DOCK5: variants seen among roughly 807,000 people sequenced by gnomAD.
The protein encoded by DOCK5 is dedicator of cytokinesis 5, also known as dedicator of cytokinesis protein 5.
Under a neutral mutation model 251.8 loss-of-function variants are expected in DOCK5, and 142 were observed. The ratio of observed to expected loss-of-function variants is 0.56; its 90% CI spans 0.49 to 0.65. DOCK5 has a LOEUF of 0.65. Among genes scored for constraint, DOCK5 ranks in the 30% least tolerant of loss-of-function variants. The pLI is 0.00. For missense variants in DOCK5, 2,111 were observed against 2,312.3 expected (o/e 0.91, Z 1.79); for synonymous variants, 842 against 835.5 (o/e 1.01, Z -0.13).
chr8:25,403,517 G>C, intron 47 of DOCK5, 41 bp from the exon 48 acceptor site: 1 of 1,605,030 alleles, frequency 6.2e-7, no homozygotes, highest in East Asian at 2.2e-5. Flanking sequence ...ATAGGGGCTG[G>C]ATTCCAGGTC....
chr8:25,380,119 A>G lies in DOCK5; in HGVS notation c.3937-186A>G, dbSNP rs370263514. Among the ~76,000 whole-genome samples, 107 of 152,314 alleles carry G rather than the reference A, an allele frequency of 7.0e-4. 1 individual carries two copies. Among genetic ancestry groups the G allele is most frequent in the African/African-American group, 2.5e-3 (102 of 41,566 alleles). On this transcript the variant is annotated intron_variant, in intron 38 of 51. Coordinates refer to ENST00000276440, the MANE Select transcript of DOCK5 (RefSeq NM_024940.8). ...GCCCCTGGCAAAGCTGCCAATATACACTGTCTTTATGATGTCAGGAAATGA... is the reference window on the plus strand; with the variant it reads ...GCCCCTGGCAAAGCTGCCAATATACGCTGTCTTTATGATGTCAGGAAATGA...
At chr8:25,241,431 T>G (rs1421600808) in intron 1 of DOCK5, among the ~76,000 whole-genome samples, 1 of 150,600 alleles carries the variant, frequency 6.6e-6, no homozygotes, top group Non-Finnish European at 1.5e-5. Context: ...TGAGCCAAGA[T>G]CACTCCACTG....
chr8:25,199,706 T>C lies in DOCK5; in HGVS notation c.43+14755T>C, dbSNP rs185996323. Among the ~76,000 whole-genome samples, 411 of 152,300 alleles carry C rather than the reference T, an allele frequency of 2.7e-3. 2 individuals carry two copies. The highest frequency in any genetic ancestry group is 9.5e-3 in the African/African-American group (395 of 41,576). ...CCAACTTCTGCTCTATTTTCTTTGC[T>C]GGGAGTGGACAGCTTTACTCTGGAG... On this transcript the variant is annotated intron_variant, in intron 1 of 51. Coordinates refer to ENST00000276440, the MANE Select transcript of DOCK5 (RefSeq NM_024940.8).
chr8:25,340,575 C>T (rs13252932), intron 22 of DOCK5, among the ~76,000 whole-genome samples: 13,389 of 152,212 alleles, frequency 0.088, 630 homozygotes, highest in South Asian at 0.2. Context: ...CATGTATCAG[C>T]GAAGACTAAG....
chr8:25,330,549 G>A (rs12542851), intron 18 of DOCK5, among the ~76,000 whole-genome samples: 18,484 of 152,106 alleles, frequency 0.12, 1,354 homozygotes, highest in Admixed American at 0.23. Context: ...CTGCTAAAGG[G>A]TAAAAGAGAA....
rs750493782 is a variant in DOCK5 at position 25,351,758 on chromosome 8, A to G, written c.2782A>G (p.Ile928Val). The G allele has an allele frequency of 2.5e-6, 4 of 1,613,776 alleles. No individual in the cohort carries two copies. Among genetic ancestry groups the G allele is most frequent in the African/African-American group, 1.3e-5 (1 of 74,940 alleles). Residue 928 changes from isoleucine to valine, a missense_variant, in exon 27 of 52, where the codon ATA (isoleucine) becomes GTA (valine). Transcript: ENST00000276440. Reference sequence around the variant, plus strand: ...TGCCACTGCGGTGCACATTCAGCTTATAATGGAACGGCTGCTGAGAAGGAT... The same window carrying G: ...TGCCACTGCGGTGCACATTCAGCTTGTAATGGAACGGCTGCTGAGAAGGAT... ...VGATAVHIQL[I>V]MERLLRRINR...
chr8:25,254,954 G>A (rs1445241108), intron 2 of DOCK5, among the ~76,000 whole-genome samples: 3 of 151,994 alleles, frequency 2.0e-5, no homozygotes, highest in Non-Finnish European at 2.9e-5. Flanking sequence ...TGTGTGAAAA[G>A]ATATTCAGCA....
chr8:25,397,108 G>A (rs1318016750), intron 45 of DOCK5, among the ~76,000 whole-genome samples: 3 of 151,968 alleles, frequency 2.0e-5, no homozygotes, highest in African/African-American at 7.3e-5. Flanking sequence ...TGTAATCTCA[G>A]GTACTGGAGA....
rs116060720 is a variant in DOCK5 at position 25,386,488 on chromosome 8, C to A, written c.4132-2603C>A. On this transcript the variant is annotated intron_variant, in intron 40 of 51. Coordinates refer to ENST00000276440, the MANE Select transcript of DOCK5 (RefSeq NM_024940.8). ...GTAGCATGTGCTATGGTCCTAGCTA[C>A]TCAGTAGGCTGAGGCAGGAGGATTG... 4.1e-3 allele frequency among the ~76,000 whole-genome samples: 622 copies of A among 152,244 alleles called. 4 individuals are homozygous for A. The highest frequency in any genetic ancestry group is 0.015 in the African/African-American group (609 of 41,544).
intron 38 of DOCK5, among the ~76,000 whole-genome samples, chr8:25,378,707 T>C (rs1801008364): frequency 1.3e-5 from 2 of 152,234 alleles, no homozygotes. Context: ...TGGTTATACA[T>C]GCTCGGAGGC....
At chr8:25,278,770 A>G (rs930502394) in intron 5 of DOCK5, 105 bp downstream of exon 5, 1 of 1,004,960 alleles carries the variant, frequency 1.0e-6, no homozygotes. Context: ...ATGGAGTGGG[A>G]TGCATTCTCC....
intron 8 of DOCK5, 64 bp from the exon 9 acceptor site, chr8:25,300,512 G>A (rs1804734168): frequency 2.1e-6 from 3 of 1,436,670 alleles, no homozygotes. Flanking sequence ...TCTATACTGA[G>A]GGTAGCCTCA....
intron 1 of DOCK5, among the ~76,000 whole-genome samples, chr8:25,230,398 C>T (rs754040304): frequency 9.2e-5 from 14 of 152,142 alleles, no homozygotes; most frequent in African/African-American, 2.7e-4. Flanking sequence ...CTAAACGTCG[C>T]GAACCACTGG....
intron 1 of DOCK5, among the ~76,000 whole-genome samples, chr8:25,203,484 G>T (rs1002956380): frequency 9.9e-5 from 15 of 152,142 alleles, no homozygotes; most frequent in African/African-American, 3.1e-4. Context: ...CAAGAGCCTT[G>T]GAAATTTTGA....
intron 1 of DOCK5, among the ~76,000 whole-genome samples, chr8:25,204,601 C>T (rs1801957032): frequency 1.3e-5 from 2 of 152,186 alleles, no homozygotes; most frequent in Admixed American, 1.3e-4. Context: ...TGAAGACTTA[C>T]TGAGGAAACT....
At chr8:25,342,701 T>TG (rs1800262687) in intron 25 of DOCK5, among the ~76,000 whole-genome samples, 194 bp downstream of exon 25, 4 of 111,326 alleles carry the variant, frequency 3.6e-5, no homozygotes, top group African/African-American at 1.2e-4. Context: ...GTTTTTTTTT[T>TG]TTTTTTTTTT....
intron 34 of DOCK5, among the ~76,000 whole-genome samples, chr8:25,371,474 TA>T (rs1800871574): frequency 6.6e-6 from 1 of 152,044 alleles, no homozygotes; most frequent in Non-Finnish European, 1.5e-5. Context: ...CTCAAAAAAA[TA>T]AAAATAAAAA....
intron 37 of DOCK5, chr8:25,375,916 G>A: frequency 1.3e-6 from 1 of 787,550 alleles, no homozygotes; most frequent in Non-Finnish European, 1.5e-6. Flanking sequence ...TGGCTAACAT[G>A]GTGAAACCCC....
intron 3 of DOCK5, among the ~76,000 whole-genome samples, chr8:25,271,979 A>G (rs905071684): frequency 1.3e-5 from 2 of 152,252 alleles, no homozygotes; most frequent in Non-Finnish European, 2.9e-5. Context: ...ATACACACAT[A>G]CTGTATAACA....
Sources: gnomAD v4.1 joint callset for allele counts (sites outside exome capture counted in the v4.1 genomes callset) on GRCh38, gnomAD v4.1.1 for gene constraint, MANE v1.5 for transcripts, NCBI Gene and HGNC (gene_info 2026-07-23, HGNC 2026-07-21) for gene names.